Variants in VWA8 observed in about 807,000 individuals in gnomAD.
VWA8 encodes von Willebrand factor A domain containing 8, also known as von Willebrand factor A domain-containing protein 8.
A neutral mutation model predicts 241.5 loss-of-function variants in VWA8; 221 were observed. That is an observed-to-expected ratio of 0.91 (90% CI 0.82 to 1.02). The LOEUF is 1.02. Ranked by LOEUF, VWA8 falls within the 50% of genes least tolerant of loss-of-function variation. VWA8 has a pLI of 0.00. For missense variants in VWA8, 2,322 were observed against 2,328.7 expected, an observed-to-expected ratio of 1.00 and a Z score of 0.06; for synonymous variants, 852 against 827.1, an observed-to-expected ratio of 1.03 and a Z score of -0.52.
At chr13:41,581,488 C>G (rs2044383311) in intron 42 of VWA8, among the ~76,000 whole-genome samples, 1 of 152,156 alleles carries the variant, frequency 6.6e-6, no homozygotes, top group Admixed American at 6.5e-5. Flanking sequence ...TGCACAAAAG[C>G]CCAGCTTATG....
intron 4 of VWA8, among the ~76,000 whole-genome samples, chr13:41,894,592 C>A (rs1875010208): frequency 6.6e-6 from 1 of 152,102 alleles, no homozygotes. Flanking sequence ...GTCAAGAATC[C>A]AAAATGGATG....
At chr13:41,798,161 CT>C (rs535060131) in intron 17 of VWA8, among the ~76,000 whole-genome samples, 119 of 152,246 alleles carry the variant, frequency 7.8e-4, no homozygotes, top group African/African-American at 2.8e-3. Context: ...TTTCCAGTTT[CT>C]ATAAGTTTTT....
intron 21 of VWA8, among the ~76,000 whole-genome samples, chr13:41,738,764 TC>T (rs2045544660): frequency 6.6e-6 from 1 of 152,106 alleles, no homozygotes; most frequent in Admixed American, 6.6e-5. Context: ...AGTGTGCAGG[TC>T]CCTTATTTGA....
Position 41,938,650 on chromosome 13 carries a change from C to CAAAA in VWA8, c.241+11282_241+11285dup, listed in dbSNP as rs367709095. 6.7e-3 allele frequency among the ~76,000 whole-genome samples: 854 copies of CAAAA among 128,186 alleles called. 5 individuals are homozygous for CAAAA. The highest frequency in any genetic ancestry group is 0.023 in the African/African-American group (811 of 35,186). The allele number at this position is 128,186 out of a possible 152,430, so 84.1% of individuals were successfully genotyped here. A position where few individuals can be genotyped will look rare whatever the true frequency, so the allele number is the denominator to read the frequency against. ...TGAGTGACAGAGTGAGACTGCGTCT[C>CAAAA]AAAAAAAAAAAAAATACATCTAAAG... On this transcript the variant is annotated intron_variant, in intron 2 of 44. Coordinates refer to ENST00000379310, the MANE Select transcript of VWA8 (RefSeq NM_015058.2).
intron 20 of VWA8, among the ~76,000 whole-genome samples, chr13:41,776,356 G>A (rs564219321): frequency 6.6e-6 from 1 of 152,284 alleles, no homozygotes; most frequent in African/African-American, 2.4e-5. Flanking sequence ...TGTCCACAGA[G>A]CCATTGTTTT....
At chr13:41,807,114 C>T (rs1225675416) in intron 17 of VWA8, among the ~76,000 whole-genome samples, 1 of 152,052 alleles carries the variant, frequency 6.6e-6, no homozygotes, top group Non-Finnish European at 1.5e-5. Context: ...TTCTTAAACA[C>T]ACACAACCTC....
At chr13:41,818,732 T>C (rs1331552460) in intron 15 of VWA8, among the ~76,000 whole-genome samples, 2 of 152,112 alleles carry the variant, frequency 1.3e-5, no homozygotes, top group Admixed American at 6.5e-5. Context: ...AAGTACAGGA[T>C]ATGTTACAGT....
At chr13:41,935,414 A>G (rs1877302554) in intron 2 of VWA8, among the ~76,000 whole-genome samples, 1 of 152,102 alleles carries the variant, frequency 6.6e-6, no homozygotes, top group African/African-American at 2.4e-5. Flanking sequence ...GTCCTATAAA[A>G]TGAGTCCAAA....
chr13:41,936,414 T>C (rs1877352562), intron 2 of VWA8, among the ~76,000 whole-genome samples: 1 of 152,196 alleles, frequency 6.6e-6, no homozygotes, highest in Admixed American at 6.5e-5. Flanking sequence ...ATGAGATACT[T>C]GTATATTAAG....
chr13:41,723,161 G>GTC (rs1190576146), intron 24 of VWA8, among the ~76,000 whole-genome samples: 1 of 152,044 alleles, frequency 6.6e-6, no homozygotes, highest in Non-Finnish European at 1.5e-5. Flanking sequence ...CTCTCTCTCT[G>GTC]TCTCTCTCTC....
chr13:41,567,224 A>C lies in VWA8; in HGVS notation c.*973T>G, dbSNP rs957335570. 4 of 152,194 alleles carry C rather than the reference A, an allele frequency of 2.6e-5. No individual in the cohort carries two copies. Among genetic ancestry groups the C allele is most frequent in the African/African-American group, 9.7e-5 (4 of 41,448 alleles). The allele number at this position is 152,194 out of a possible 1,614,324, so 9.4% of individuals were successfully genotyped here. On this transcript the variant is annotated 3_prime_UTR_variant, in exon 45 of 45. Coordinates refer to ENST00000379310, the MANE Select transcript of VWA8 (RefSeq NM_015058.2). ...AAGGTACATTTTGAAAGAAAAGAGA[A>C]TGAGGCTTTAAAAAAAGTTGTTTTC...
At chr13:41,641,945 G>A (rs1291416862) in intron 37 of VWA8, among the ~76,000 whole-genome samples, 2 of 152,104 alleles carry the variant, frequency 1.3e-5, no homozygotes, top group Non-Finnish European at 2.9e-5. Flanking sequence ...TAAGACAAAC[G>A]GAAATCAAAT....
At chr13:41,638,766 G>A (rs2044775634) in intron 37 of VWA8, among the ~76,000 whole-genome samples, 1 of 152,162 alleles carries the variant, frequency 6.6e-6, no homozygotes, top group African/African-American at 2.4e-5. Flanking sequence ...TATTATAAAA[G>A]ATTAGAATTA....
intron 4 of VWA8, among the ~76,000 whole-genome samples, chr13:41,906,413 T>C (rs1875720785): frequency 6.6e-6 from 1 of 152,128 alleles, no homozygotes; most frequent in African/African-American, 2.4e-5. Context: ...AACAAACATA[T>C]ATGCATTTCT....
intron 21 of VWA8, among the ~76,000 whole-genome samples, chr13:41,754,192 G>A (rs1344738747): frequency 6.6e-6 from 1 of 152,064 alleles, no homozygotes; most frequent in Non-Finnish European, 1.5e-5. Flanking sequence ...ACTCCCACAT[G>A]TTGCGGGAGG....
chr13:41,953,097 A>T (rs891434096), intron 1 of VWA8, among the ~76,000 whole-genome samples: 5 of 152,224 alleles, frequency 3.3e-5, no homozygotes, highest in African/African-American at 1.2e-4. Flanking sequence ...AAAAATGCAC[A>T]ATCACATCTA....
intron 24 of VWA8, among the ~76,000 whole-genome samples, chr13:41,724,695 TA>T (rs2045418502): frequency 6.6e-6 from 1 of 152,172 alleles, no homozygotes; most frequent in Non-Finnish European, 1.5e-5. Flanking sequence ...AGAAAGTCAG[TA>T]AACTGAATCC....
chr13:41,895,129 T>G (rs183264932), intron 4 of VWA8, among the ~76,000 whole-genome samples: 85 of 152,134 alleles, frequency 5.6e-4, no homozygotes, highest in Admixed American at 1.3e-3. Context: ...TGGAGATAGT[T>G]TGGTCTGTTT....
intron 37 of VWA8, among the ~76,000 whole-genome samples, chr13:41,652,487 A>T (rs9562329): frequency 0.056 from 8,467 of 152,280 alleles, 281 homozygotes; most frequent in East Asian, 0.12. Flanking sequence ...CATACTCAGC[A>T]GTTAATTAAA....
Sources: allele counts gnomAD v4.1 joint callset (sites outside exome capture counted in the v4.1 genomes callset), GRCh38; gene constraint gnomAD v4.1.1; transcripts MANE v1.5; gene names NCBI Gene and HGNC (gene_info 2026-07-23, HGNC 2026-07-21).